The following STPG2 variants were observed in gnomAD, a reference collection of about 807,000 sequenced individuals.
STPG2 encodes the protein sperm tail PG-rich repeat containing 2.
STPG2 carries 56 observed loss-of-function variants against 54.2 expected under a neutral mutation model. The ratio of observed to expected loss-of-function variants is 1.03; its 90% CI spans 0.83 to 1.29. STPG2 has a LOEUF of 1.29. Ranked by LOEUF, STPG2 falls within the 50% of genes most tolerant of loss-of-function variation. The pLI is 0.00. For synonymous variants in STPG2, 200 were observed against 181.8 expected, an observed-to-expected ratio of 1.10 and a Z score of -0.81; for missense variants, 596 against 544.9, an observed-to-expected ratio of 1.09 and a Z score of -0.93.
chr4:97,583,678 T>C (rs113690818), intron 10 of STPG2, among the ~76,000 whole-genome samples: 2,264 of 151,880 alleles, frequency 0.015, 52 homozygotes, highest in African/African-American at 0.052. Context: ...TAAAGAGATG[T>C]AAAAAGATAT....
In STPG2 at chr4:97,735,068, G is replaced by A. The variant is rs1226051512; in HGVS notation, c.1205-22254C>T. Among the ~76,000 whole-genome samples, 136 of 57,820 alleles carry A rather than the reference G, an allele frequency of 2.4e-3. 1 individual carries two copies. Among genetic ancestry groups the A allele is most frequent in the Admixed American group, 6.8e-3 (33 of 4,854 alleles). The allele number at this position is 57,820 out of a possible 152,430, so 37.9% of individuals were successfully genotyped here. On this transcript the variant is annotated intron_variant, in intron 9 of 10. Transcript: ENST00000295268. Reference sequence around the variant, plus strand: ...AGCCTGGGCAAGAGAGCGAGACATCGTCTCAAAAAAAAAAAAAGTTTCTGC... The same window carrying A: ...AGCCTGGGCAAGAGAGCGAGACATCATCTCAAAAAAAAAAAAAGTTTCTGC...
chr4:98,001,632 A>T (rs1315308127), intron 5 of STPG2, among the ~76,000 whole-genome samples: 1 of 152,158 alleles, frequency 6.6e-6, no homozygotes, highest in Non-Finnish European at 1.5e-5. Context: ...TTACACTTGC[A>T]AAGACAGAGA....
At chr4:97,992,537 C>T (rs1002424568) in intron 5 of STPG2, among the ~76,000 whole-genome samples, 3 of 152,028 alleles carry the variant, frequency 2.0e-5, no homozygotes, top group Non-Finnish European at 4.4e-5. Flanking sequence ...TAATGTAATG[C>T]CTTCAGATTT....
chr4:98,040,423 G>A (rs7661264), intron 5 of STPG2, among the ~76,000 whole-genome samples: 59,814 of 151,654 alleles, frequency 0.39, 12,024 homozygotes, highest in Middle Eastern at 0.46. Context: ...TTTTTCCTAG[G>A]TTTTCTTCTA....
At chr4:97,773,575 G>A (rs1357333725) in intron 9 of STPG2, among the ~76,000 whole-genome samples, 1 of 152,024 alleles carries the variant, frequency 6.6e-6, no homozygotes, top group Non-Finnish European at 1.5e-5. Flanking sequence ...GCCTTCCAAA[G>A]TGTTGAGATT....
At chr4:97,953,727 G>A (rs549377865) in intron 7 of STPG2, among the ~76,000 whole-genome samples, 2 of 152,242 alleles carry the variant, frequency 1.3e-5, no homozygotes, top group Non-Finnish European at 2.9e-5. Flanking sequence ...CCCAGTTGGG[G>A]TGTGTATCCT....
chr4:98,038,280 G>A (rs557213485), intron 5 of STPG2, among the ~76,000 whole-genome samples: 1 of 152,050 alleles, frequency 6.6e-6, no homozygotes, highest in Non-Finnish European at 1.5e-5. Flanking sequence ...TTAAAGGTGA[G>A]GGCAGTATAG....
intron 8 of STPG2, among the ~76,000 whole-genome samples, chr4:97,927,515 G>A (rs1732378524): frequency 6.6e-6 from 1 of 151,674 alleles, no homozygotes; most frequent in Non-Finnish European, 1.5e-5. Flanking sequence ...TCCTCTCTCA[G>A]TTTATGCTAA....
intron 5 of STPG2, among the ~76,000 whole-genome samples, chr4:98,075,414 G>T (rs1399373551): frequency 6.6e-6 from 1 of 152,194 alleles, no homozygotes; most frequent in Non-Finnish European, 1.5e-5. Flanking sequence ...ACTGCTGGAA[G>T]ATTTTACTAG....
At chr4:98,104,880 T>C (rs1326908080) in intron 5 of STPG2, among the ~76,000 whole-genome samples, 1 of 152,118 alleles carries the variant, frequency 6.6e-6, no homozygotes. Context: ...TGTTTCCCCA[T>C]CTACTCCCCA....
At chr4:97,858,379 G>A (rs1441604561) in intron 8 of STPG2, among the ~76,000 whole-genome samples, 1 of 152,134 alleles carries the variant, frequency 6.6e-6, no homozygotes, top group Non-Finnish European at 1.5e-5. Flanking sequence ...TACAGGCCAT[G>A]AAAGAGTAGC....
At chr4:97,996,661 T>A (rs901182813) in intron 5 of STPG2, among the ~76,000 whole-genome samples, 3 of 141,168 alleles carry the variant, frequency 2.1e-5, no homozygotes, top group African/African-American at 7.9e-5. Context: ...GAGAGAAAAA[T>A]TTGGAAACTA....
chr4:97,854,863 G>A (rs1192985533), intron 8 of STPG2, among the ~76,000 whole-genome samples: 2 of 152,068 alleles, frequency 1.3e-5, no homozygotes, highest in South Asian at 4.1e-4. Flanking sequence ...ATTAAGCCCA[G>A]TATCCATTAG....
chr4:97,783,986 G>T (rs1313926455), intron 9 of STPG2, among the ~76,000 whole-genome samples: 1 of 151,264 alleles, frequency 6.6e-6, no homozygotes, highest in African/African-American at 2.4e-5. Context: ...GTTAATGGGG[G>T]CAGCACACCA....
chr4:97,955,265 A>G (rs1275165993), intron 7 of STPG2, among the ~76,000 whole-genome samples: 1 of 147,494 alleles, frequency 6.8e-6, no homozygotes, highest in East Asian at 2.0e-4. Flanking sequence ...CCCAGGCTGG[A>G]GTGCAGTGGC....
chr4:97,687,633 C>G (rs2148985349), intron 10 of STPG2, among the ~76,000 whole-genome samples: 1 of 152,340 alleles, frequency 6.6e-6, no homozygotes, highest in Non-Finnish European at 1.5e-5. Flanking sequence ...AGCCACCACA[C>G]CCAGCTCCAT....
At chr4:97,895,808 G>A (rs1730933525) in intron 8 of STPG2, among the ~76,000 whole-genome samples, 1 of 151,696 alleles carries the variant, frequency 6.6e-6, no homozygotes, top group African/African-American at 2.4e-5. Flanking sequence ...TCTCAATCCT[G>A]TCTGTGGGAA....
intron 5 of STPG2, chr4:98,048,611 G>T: frequency 1.2e-5 from 2 of 171,398 alleles, no homozygotes; most frequent in South Asian, 1.6e-4. Flanking sequence ...CCAGCCCTGC[G>T]GAGGAGAGTG....
Position 98,110,411 on chromosome 4 carries a change from C to A in STPG2, c.388-1106G>T, listed in dbSNP as rs759829549. ...TTTAACCAGCATATGACCCTCTAGG[C>A]GCATTCAACTGGAAAGGTAAGAATG... On this transcript the variant is annotated intron_variant, in intron 3 of 10. Coordinates refer to ENST00000295268, the MANE Select transcript of STPG2 (RefSeq NM_174952.3). 2.6e-5 allele frequency among the ~76,000 whole-genome samples: 4 copies of A among 152,046 alleles called. No individual in the cohort carries two copies. The South Asian group carries it at 8.3e-4, about 31-fold the overall frequency.
Sources: allele counts gnomAD v4.1 joint callset (sites outside exome capture counted in the v4.1 genomes callset), GRCh38; gene constraint gnomAD v4.1.1; transcripts MANE v1.5; gene names NCBI Gene and HGNC (gene_info 2026-07-23, HGNC 2026-07-21).